Variants in GIGYF2 observed in about 807,000 individuals in gnomAD.
GIGYF2 encodes the protein GRB10-interacting GYF protein 2.
In GIGYF2, 25 loss-of-function variants were observed where a neutral mutation model predicts 208.1. The ratio of observed to expected loss-of-function variants is 0.12; its 90% CI spans 0.09 to 0.17. The LOEUF (loss-of-function observed/expected upper bound fraction) is 0.17. Among genes scored for constraint, GIGYF2 ranks in the 10% least tolerant of loss-of-function variants. The pLI, the probability that GIGYF2 is intolerant of heterozygous loss-of-function variation, is 1.00. For synonymous variants in GIGYF2, 534 were observed against 543.8 expected (o/e 0.98, Z 0.25); for missense variants, 1,302 against 1,579.4 (o/e 0.82, Z 2.98).
At chr2:232,722,038 TG>T (rs1696965340) in intron 2 of GIGYF2, among the ~76,000 whole-genome samples, 1 of 152,216 alleles carries the variant, frequency 6.6e-6, no homozygotes, top group Non-Finnish European at 1.5e-5. Flanking sequence ...CCCTCTACTT[TG>T]CCTTCTTATT....
At chr2:232,719,991 A>G (rs114732772) in intron 2 of GIGYF2, among the ~76,000 whole-genome samples, 3,298 of 152,244 alleles carry the variant, frequency 0.022, 124 homozygotes, top group African/African-American at 0.075. Flanking sequence ...CATGTGCACA[A>G]CCTGCAGTTT....
rs756046778 is a variant in GIGYF2, at chr2:232,844,256, G to GTGTGTGCA, written c.3099+3_3099+10dup. 6.3e-7 allele frequency: 1 copy of GTGTGTGCA among 1,587,792 alleles called. No homozygotes were observed. Among genetic ancestry groups the GTGTGTGCA allele is most frequent in the African/African-American group, 1.3e-5 (1 of 74,214 alleles). On this transcript the variant is annotated splice_donor_variant, in intron 24 of 28. Transcript: ENST00000373563. LOFTEE classifies it high-confidence loss of function. Reference sequence around the variant, plus strand: ...ACCAAACAGAGCTCGTAACAATACGGTGTGTGCATTTTCCTAAGCTGTCGT... The same window carrying GTGTGTGCA: ...ACCAAACAGAGCTCGTAACAATACGGTGTGTGCATGTGTGCATTTTCCTAAGCTGTCGT...
chr2:232,709,027 C>T (rs1275687425), intron 2 of GIGYF2, among the ~76,000 whole-genome samples: 1 of 151,998 alleles, frequency 6.6e-6, no homozygotes, highest in Non-Finnish European at 1.5e-5. Context: ...GAGGCTGTGG[C>T]ATCAGAATCT....
chr2:232,758,475 T>A (rs1698626978), intron 6 of GIGYF2, among the ~76,000 whole-genome samples: 1 of 152,206 alleles, frequency 6.6e-6, no homozygotes, highest in African/African-American at 2.4e-5. Flanking sequence ...GAATTCTTAG[T>A]AGAACAGTTC....
intron 14 of GIGYF2, among the ~76,000 whole-genome samples, chr2:232,799,195 C>T (rs1462863429): frequency 1.3e-5 from 2 of 151,768 alleles, no homozygotes; most frequent in Non-Finnish European, 2.9e-5. Flanking sequence ...TTTGCTTATC[C>T]ATTTCATCTA....
At chr2:232,748,020 T>C (rs1276692383) in intron 4 of GIGYF2, among the ~76,000 whole-genome samples, 2 of 152,190 alleles carry the variant, frequency 1.3e-5, no homozygotes, top group African/African-American at 4.8e-5. Context: ...TTCATGTCTA[T>C]TTGTATCCTA....
chr2:232,827,186 G>A (rs1450743077), intron 21 of GIGYF2, among the ~76,000 whole-genome samples: 6 of 138,674 alleles, frequency 4.3e-5, no homozygotes, highest in Non-Finnish European at 9.9e-5. Context: ...AGGGCCCTCG[G>A]GATTTTCAAG....
chr2:232,800,518 C>G (rs1411693395), intron 14 of GIGYF2, among the ~76,000 whole-genome samples: 9 of 151,632 alleles, frequency 5.9e-5, no homozygotes, highest in Non-Finnish European at 1.3e-4. Context: ...GTTTTGATTA[C>G]TCTATCTTTG....
intron 2 of GIGYF2, among the ~76,000 whole-genome samples, chr2:232,716,371 TTTG>T (rs1448134023): frequency 6.2e-5 from 8 of 129,768 alleles, no homozygotes; most frequent in African/African-American, 9.0e-5. Context: ...AATGGTGTTA[TTTG>T]TTTTTTTTTT....
At chr2:232,763,294 A>G (rs530359007) in intron 8 of GIGYF2, among the ~76,000 whole-genome samples, 24 of 152,244 alleles carry the variant, frequency 1.6e-4, no homozygotes, top group African/African-American at 5.3e-4. Context: ...AAAATGAGTG[A>G]TAATGCCTTA....
intron 3 of GIGYF2, among the ~76,000 whole-genome samples, chr2:232,746,680 G>A (rs1425609849): frequency 1.3e-5 from 2 of 152,060 alleles, no homozygotes; most frequent in African/African-American, 2.4e-5. Flanking sequence ...TCAGTTTGGA[G>A]TATATTTTTT....
intron 2 of GIGYF2, among the ~76,000 whole-genome samples, chr2:232,729,137 C>T (rs945010051): frequency 2.0e-5 from 3 of 152,052 alleles, no homozygotes; most frequent in African/African-American, 7.2e-5. Flanking sequence ...TACCACCACG[C>T]GTGACTAACT....
intron 21 of GIGYF2, among the ~76,000 whole-genome samples, chr2:232,821,902 A>G (rs1254197572): frequency 6.6e-6 from 1 of 150,476 alleles, no homozygotes; most frequent in East Asian, 1.9e-4. Context: ...TTTTCTATTG[A>G]ATTTTTGATG....
intron 28 of GIGYF2, among the ~76,000 whole-genome samples, chr2:232,852,511 G>A (rs552339633): frequency 6.6e-6 from 1 of 152,248 alleles, no homozygotes; most frequent in South Asian, 2.1e-4. Context: ...TCACGCCACT[G>A]CACTCCAGCC....
chr2:232,848,463 G>A (rs753882634), intron 27 of GIGYF2, among the ~76,000 whole-genome samples: 11 of 152,058 alleles, frequency 7.2e-5, no homozygotes, highest in South Asian at 2.1e-4. Flanking sequence ...GTGAAATACC[G>A]TCTCTACGAA....
chr2:232,771,880 T>C (rs938855031), intron 8 of GIGYF2, among the ~76,000 whole-genome samples: 1 of 152,226 alleles, frequency 6.6e-6, no homozygotes, highest in Non-Finnish European at 1.5e-5. Flanking sequence ...CTGCAAATCC[T>C]TTGAAGCCAG....
chr2:232,797,020 G>T (rs1700242363), intron 14 of GIGYF2, among the ~76,000 whole-genome samples: 1 of 150,894 alleles, frequency 6.6e-6, no homozygotes. Context: ...TCACCTCTGT[G>T]TTTCCGTTTC....
intron 2 of GIGYF2, among the ~76,000 whole-genome samples, chr2:232,710,692 C>CTT (rs35154227): frequency 1.3e-4 from 15 of 113,940 alleles, no homozygotes; most frequent in Non-Finnish European, 1.8e-4. Flanking sequence ...TCTTGGTGTT[C>CTT]TTTTTTTTTT....
chr2:232,846,710 C>G (rs561622515), intron 26 of GIGYF2, among the ~76,000 whole-genome samples: 3 of 152,308 alleles, frequency 2.0e-5, no homozygotes, highest in South Asian at 2.1e-4. Context: ...CATGCAGCAT[C>G]CCAGTTATTT....
Sources: gnomAD v4.1 joint callset for allele counts (sites outside exome capture counted in the v4.1 genomes callset) on GRCh38, gnomAD v4.1.1 for gene constraint, MANE v1.5 for transcripts, NCBI Gene and HGNC (gene_info 2026-07-23, HGNC 2026-07-21) for gene names.